Variants in SEMA3E observed in about 807,000 individuals in gnomAD.
The protein encoded by SEMA3E is semaphorin-3E.
Under a neutral mutation model 93.6 loss-of-function variants are expected in SEMA3E, and 49 were observed. The observed-to-expected ratio is 0.52, with a 90% CI of 0.42 to 0.66. The LOEUF is 0.66. Ranked by LOEUF, SEMA3E falls within the 30% of genes least tolerant of loss-of-function variation. The pLI, the probability that SEMA3E is intolerant of heterozygous loss-of-function variation, is 0.00. For synonymous variants in SEMA3E, 363 were observed against 330.7 expected (o/e 1.10, Z -1.06); for missense variants, 906 against 964.8 (o/e 0.94, Z 0.81).
intron 1 of SEMA3E, among the ~76,000 whole-genome samples, chr7:83,541,690 C>T (rs1231080728): frequency 3.3e-5 from 5 of 152,016 alleles, no homozygotes; most frequent in African/African-American, 4.8e-5. Context: ...TGCAGTATTG[C>T]CAGCAAATGC....
chr7:83,562,597 A>T (rs1317354275), intron 1 of SEMA3E, among the ~76,000 whole-genome samples: 1 of 152,024 alleles, frequency 6.6e-6, no homozygotes, highest in African/African-American at 2.4e-5. Context: ...ATTGGCAGAC[A>T]TGGACAGTTA....
chr7:83,598,755 T>C (rs574867605), intron 1 of SEMA3E, among the ~76,000 whole-genome samples: 252 of 152,364 alleles, frequency 1.7e-3, no homozygotes, highest in African/African-American at 5.8e-3. Flanking sequence ...AGAAAATCTA[T>C]TGTGACACCC....
rs565681072 is a variant in SEMA3E at position 83,610,391 on chromosome 7, A to C, written c.115+38037T>G. 6.6e-5 allele frequency among the ~76,000 whole-genome samples: 10 copies of C among 152,234 alleles called. No homozygotes were observed. In the South Asian group the frequency reaches 2.1e-3, roughly 32 times the overall value. Reference sequence around the variant, plus strand: ...AATACAGAGTATATGTTCAGAAAAAAGAATTATTTAATTTAATTCATATAG... The same window carrying C: ...AATACAGAGTATATGTTCAGAAAAACGAATTATTTAATTTAATTCATATAG... On this transcript the variant is annotated intron_variant, in intron 1 of 16. Transcript: ENST00000643230.
rs749969587 is a variant in SEMA3E at position 83,364,622 on chromosome 7, GC to G, written c.*2963del. 12 of 152,168 alleles carry G rather than the reference GC, an allele frequency of 7.9e-5. No homozygotes were observed. The highest frequency in any genetic ancestry group is 1.2e-4 in the Non-Finnish European group (8 of 68,026). 9.4% of individuals were successfully genotyped at this position (152,168 alleles called of 1,614,324 possible). On this transcript the variant is annotated 3_prime_UTR_variant, in exon 17 of 17. Transcript: ENST00000643230. Reference sequence around the variant, plus strand: ...TTTTGTTAACAAATCTGGATCTCTTGCCCAATGGGTGACGTTGTGCTGAAGG... The same window carrying G: ...TTTTGTTAACAAATCTGGATCTCTTGCCAATGGGTGACGTTGTGCTGAAGG...
chr7:83,551,244 G>A (rs188656781), intron 1 of SEMA3E, among the ~76,000 whole-genome samples: 13 of 151,972 alleles, frequency 8.6e-5, no homozygotes, highest in South Asian at 2.1e-4. Flanking sequence ...AATGTTCATC[G>A]AAAGAAAAGT....
intron 2 of SEMA3E, among the ~76,000 whole-genome samples, chr7:83,483,127 A>AC (rs1393728793): frequency 6.6e-6 from 1 of 152,182 alleles, no homozygotes; most frequent in African/African-American, 2.4e-5. Context: ...AGAAAAAAAA[A>AC]AAAGTCATTA....
intron 5 of SEMA3E, among the ~76,000 whole-genome samples, chr7:83,415,388 C>T (rs553470103): frequency 5.9e-5 from 9 of 152,140 alleles, no homozygotes; most frequent in African/African-American, 9.6e-5. Flanking sequence ...ACTACAAAGA[C>T]GCATTGGAAG....
At chr7:83,440,427 G>A (rs1329811340) in intron 4 of SEMA3E, among the ~76,000 whole-genome samples, 2 of 152,072 alleles carry the variant, frequency 1.3e-5, no homozygotes, top group Non-Finnish European at 2.9e-5. Flanking sequence ...TGTCTGTGGG[G>A]TATTGTGATA....
intron 4 of SEMA3E, among the ~76,000 whole-genome samples, chr7:83,419,045 T>G (rs182009072): frequency 2.6e-5 from 4 of 152,124 alleles, no homozygotes; most frequent in Admixed American, 1.3e-4. Context: ...CCTGCCCCCC[T>G]ACGTCTCATC....
chr7:83,474,116 AG>A (rs370239068), intron 2 of SEMA3E, among the ~76,000 whole-genome samples: 92 of 145,366 alleles, frequency 6.3e-4, no homozygotes, highest in African/African-American at 1.8e-3. Flanking sequence ...AAAAAAAAAA[AG>A]AAAAATAAGA....
At chr7:83,604,943 G>A (rs559522391) in intron 1 of SEMA3E, among the ~76,000 whole-genome samples, 3 of 152,200 alleles carry the variant, frequency 2.0e-5, no homozygotes, top group South Asian at 4.2e-4. Flanking sequence ...TTTCATCCAC[G>A]TCCCTGAAAA....
At chr7:83,529,261 A>T (rs931536453) in intron 1 of SEMA3E, among the ~76,000 whole-genome samples, 2 of 152,118 alleles carry the variant, frequency 1.3e-5, no homozygotes, top group Admixed American at 1.3e-4. Context: ...ATCATGGCCT[A>T]AAACTGTACT....
At chr7:83,642,313 G>A (rs902994616) in intron 1 of SEMA3E, among the ~76,000 whole-genome samples, 4 of 152,132 alleles carry the variant, frequency 2.6e-5, no homozygotes, top group Non-Finnish European at 5.9e-5. Flanking sequence ...TGAAATAGGT[G>A]TTAGAACTAG....
intron 1 of SEMA3E, among the ~76,000 whole-genome samples, chr7:83,522,647 A>G (rs750531946): frequency 1.8e-4 from 28 of 152,118 alleles, no homozygotes; most frequent in Non-Finnish European, 2.8e-4. Flanking sequence ...TTGGGAACAC[A>G]ACCTAAGACA....
intron 1 of SEMA3E, among the ~76,000 whole-genome samples, chr7:83,512,342 G>C (rs559578762): frequency 6.6e-6 from 1 of 152,328 alleles, no homozygotes; most frequent in South Asian, 2.1e-4. Flanking sequence ...CACGTAAGCT[G>C]TATGTACACT....
intron 1 of SEMA3E, among the ~76,000 whole-genome samples, chr7:83,645,710 C>G (rs1794069779): frequency 8.1e-6 from 1 of 123,174 alleles, no homozygotes; most frequent in Non-Finnish European, 1.6e-5. Context: ...ACCCTTGTAC[C>G]TTGTCTCCTT....
intron 1 of SEMA3E, chr7:83,641,322 G>GAT (rs1231899544): frequency 1.1e-6 from 1 of 943,482 alleles, no homozygotes; most frequent in Non-Finnish European, 1.3e-6. Context: ...CATGGCACCA[G>GAT]ATATCTTACC....
At chr7:83,451,382 C>T (rs1447642443) in intron 4 of SEMA3E, among the ~76,000 whole-genome samples, 1 of 152,066 alleles carries the variant, frequency 6.6e-6, no homozygotes, top group Non-Finnish European at 1.5e-5. Context: ...AAATCTTTTA[C>T]ATATTATAAT....
chr7:83,506,786 A>G (rs935723936), intron 1 of SEMA3E, among the ~76,000 whole-genome samples: 4 of 152,226 alleles, frequency 2.6e-5, no homozygotes, highest in African/African-American at 9.6e-5. Context: ...ACTGAGAACA[A>G]GAGAATGGAT....
Sources: allele counts gnomAD v4.1 joint callset (sites outside exome capture counted in the v4.1 genomes callset), GRCh38; gene constraint gnomAD v4.1.1; transcripts MANE v1.5; gene names NCBI Gene and HGNC (gene_info 2026-07-23, HGNC 2026-07-21).